The following TSPAN1 variants were observed in gnomAD, a reference collection of about 807,000 sequenced individuals.
The protein encoded by TSPAN1 is tetraspanin 1, also known as tetraspanin-1.
TSPAN1 carries 23 observed loss-of-function variants against 26.9 expected under a neutral mutation model. That is an observed-to-expected ratio of 0.85 (90% CI 0.62 to 1.21). The LOEUF (loss-of-function observed/expected upper bound fraction) is 1.21. Among genes scored for constraint, TSPAN1 ranks in the 50% most tolerant of loss-of-function variants. The probability of loss-of-function intolerance (pLI) is 0.00; values close to 1 mark genes in which losing one functional copy is unlikely to be tolerated. For synonymous variants in TSPAN1, 115 were observed against 114.8 expected (o/e 1.00, Z -0.01); for missense variants, 283 against 298.4 (o/e 0.95, Z 0.38).
In TSPAN1 at chr1:46,184,617, C is replaced by T; in HGVS notation, c.288C>T (p.Ile96=). The stretch of plus-strand genomic sequence containing the variant: ...AGTTCTTCTTCATCCTCCTCCTCAT[C>T]TTCATTGCTGAGGTTGCAGCTGCTG... The part of the protein sequence containing the change: ...LVTFFFILLL[I]FIAEVAAAVV... The change falls in exon 5 of 9, where the codon ATC becomes ATT. Residue 96 remains isoleucine (I), a synonymous_variant. Coordinates refer to ENST00000372003, the MANE Select transcript of TSPAN1 (RefSeq NM_005727.4). The T allele has an allele frequency of 6.2e-7, 1 of 1,614,228 alleles. No homozygotes were observed. The highest frequency in any genetic ancestry group is 8.5e-7 in the Non-Finnish European group (1 of 1,180,052).
rs1391953472 is a variant in TSPAN1 at position 46,180,006 on chromosome 1, TGAAA to T, written c.-141-517_-141-514del. Among the ~76,000 whole-genome samples, 21 of 150,930 alleles carry T rather than the reference TGAAA, an allele frequency of 1.4e-4. No individual in the cohort carries two copies. The East Asian group carries it at 3.9e-3, about 28-fold the overall frequency. On this transcript the variant is annotated intron_variant, in intron 1 of 8. Coordinates refer to ENST00000372003, the MANE Select transcript of TSPAN1 (RefSeq NM_005727.4). ...GTGTGTGTTTGTGTGTGTGTGTGAG[TGAAA>T]GAGATACTTAAGTACGTACATCAGA...
downstream of TSPAN1, among the ~76,000 whole-genome samples, chr1:46,186,896 T>C (rs1444937626): frequency 1.3e-5 from 2 of 151,926 alleles, no homozygotes; most frequent in Non-Finnish European, 2.9e-5. Context: ...TCTCCTGACC[T>C]CGTGATCCAC....
chr1:46,176,168 C>T (rs1571631739), intron 1 of TSPAN1: 1 of 1,528,184 alleles, frequency 6.5e-7, no homozygotes, highest in East Asian at 2.5e-5. Context: ...AGCCACCGCA[C>T]CCAGCCTAGT....
At chr1:46,186,976 T>C (rs1657447324), downstream of TSPAN1, among the ~76,000 whole-genome samples, 1 of 152,046 alleles carries the variant, frequency 6.6e-6, no homozygotes, top group African/African-American at 2.4e-5. Context: ...CCGGCTAACT[T>C]TTTATATTTT....
At chr1:46,179,829 GA>G (rs1405419754) in intron 1 of TSPAN1, among the ~76,000 whole-genome samples, 1 of 152,058 alleles carries the variant, frequency 6.6e-6, no homozygotes, top group African/African-American at 2.4e-5. Flanking sequence ...GAAGGGAGGG[GA>G]AAAATGGGGA....
chr1:46,178,137 AC>A (rs1657226308), intron 1 of TSPAN1, among the ~76,000 whole-genome samples: 1 of 152,068 alleles, frequency 6.6e-6, no homozygotes. Context: ...TGGGTGGATG[AC>A]TTGAGGTCAG....
At chr1:46,187,592 CAG>C (rs1657462568), downstream of TSPAN1, among the ~76,000 whole-genome samples, 1 of 152,164 alleles carries the variant, frequency 6.6e-6, no homozygotes, top group South Asian at 2.1e-4. Context: ...GGGTGCGGGA[CAG>C]GGGGAGGAGC....
chr1:46,188,978 G>A, downstream of TSPAN1: 2 of 1,607,068 alleles, frequency 1.2e-6, no homozygotes, highest in Non-Finnish European at 1.7e-6. Flanking sequence ...TTCTGAGCCA[G>A]GCCTGGAAAG....
At chr1:46,190,823 T>C, downstream of TSPAN1, 1 of 1,557,380 alleles carries the variant, frequency 6.4e-7, no homozygotes, top group South Asian at 1.1e-5. Flanking sequence ...CACCTCACAT[T>C]GTCTGGCCCA....
At chr1:46,191,414 G>C in the TSPAN1 span, 17 of 181,654 alleles carry the variant, frequency 9.4e-5, no homozygotes, top group Middle Eastern at 2.5e-3. Flanking sequence ...CTGAAGCATA[G>C]GCTCCAGCAC....
At chr1:46,189,339 T>C, downstream of TSPAN1, 1 of 1,613,820 alleles carries the variant, frequency 6.2e-7, no homozygotes, top group Non-Finnish European at 8.5e-7. Flanking sequence ...TTGGGGTGAC[T>C]GAGGGTGGCT....
chr1:46,185,624 T>C lies in TSPAN1; in HGVS notation c.*91T>C, dbSNP rs1802371. 2 of 1,436,622 alleles carry C rather than the reference T, an allele frequency of 1.4e-6. No individual in the cohort carries two copies. Among genetic ancestry groups the C allele is most frequent in the Non-Finnish European group, 9.7e-7 (1 of 1,030,858 alleles). 89.0% of individuals were successfully genotyped at this position (1,436,622 alleles called of 1,614,324 possible). ...GCAGTGATTGGGGGAGGGGACAGGA[T>C]CTAACAATGTCACTTGGGCCAGAAT... On this transcript the variant is annotated 3_prime_UTR_variant, in exon 9 of 9. Coordinates refer to ENST00000372003, the MANE Select transcript of TSPAN1 (RefSeq NM_005727.4).
In TSPAN1 at chr1:46,184,331, G is replaced by C. The variant is rs139002111; in HGVS notation, c.198G>C (p.Val66=). 324 of 1,614,042 alleles carry C rather than the reference G, an allele frequency of 2.0e-4. No individual in the cohort carries two copies. Among genetic ancestry groups the C allele is most frequent in the Non-Finnish European group, 1.8e-4 (207 of 1,180,038 alleles). The change falls in exon 4 of 9, where the codon GTG becomes GTC. Residue 66 remains valine (V), a synonymous_variant. Coordinates refer to ENST00000372003, the MANE Select transcript of TSPAN1 (RefSeq NM_005727.4). The part of the protein sequence containing the change: ...VGYFLIAAGV[V]VFALGFLGCY... The stretch of plus-strand genomic sequence containing the variant: ...ACTTCCTCATCGCAGCCGGCGTTGT[G>C]GTCTTTGCTCTTGGTTTCCTGGGCT...
At chr1:46,177,893 T>TTA (rs1238671478) in intron 1 of TSPAN1, among the ~76,000 whole-genome samples, 2 of 152,094 alleles carry the variant, frequency 1.3e-5, no homozygotes, top group Non-Finnish European at 2.9e-5. Context: ...AGTCACACAA[T>TTA]TAGAGGCAGG....
Position 46,184,630 on chromosome 1 carries a change from G to T in TSPAN1, c.301G>T (p.Val101Phe). ...CCTCCTCCTCATCTTCATTGCTGAG[G>T]TTGCAGCTGCTGTGGTCGCCTTGGT... ...FILLLIFIAE[V>F]AAAVVALVYT... The change falls in exon 5 of 9, where the codon GTT becomes TTT. Residue 101 changes from valine to phenylalanine, a missense_variant. Transcript: ENST00000372003. 6.2e-7 allele frequency: 1 copy of T among 1,614,190 alleles called. No homozygotes were observed. The highest frequency in any genetic ancestry group is 8.5e-7 in the Non-Finnish European group (1 of 1,180,044).
chr1:46,186,679 T>C (rs1383944125), downstream of TSPAN1, among the ~76,000 whole-genome samples: 1 of 142,402 alleles, frequency 7.0e-6, no homozygotes, highest in Non-Finnish European at 1.5e-5. Context: ...TTTTTTTTTT[T>C]TTTTGAGAGA....
At chr1:46,188,690 G>A, downstream of TSPAN1, 1 of 1,595,014 alleles carries the variant, frequency 6.3e-7, no homozygotes, top group Non-Finnish European at 8.6e-7. Flanking sequence ...ATCCCCAGAG[G>A]GCTTCTCCTT....
At chr1:46,180,770 G>C (rs1008897029) in intron 2 of TSPAN1, 112 bp downstream of exon 2, 3 of 349,344 alleles carry the variant, frequency 8.6e-6, no homozygotes, top group East Asian at 6.0e-5. Context: ...GGTTAGTGTG[G>C]GGGGGAGCAC....
downstream of TSPAN1, chr1:46,190,097 CTTTTTTT>C (rs946195454): frequency 1.9e-5 from 15 of 807,400 alleles, no homozygotes; most frequent in Admixed American, 9.8e-5. Context: ...CCTTGAAGTT[CTTTTTTT>C]TTTTTTTTTT....
Sources: allele counts gnomAD v4.1 joint callset (sites outside exome capture counted in the v4.1 genomes callset), GRCh38; gene constraint gnomAD v4.1.1; transcripts MANE v1.5; gene names NCBI Gene and HGNC (gene_info 2026-07-23, HGNC 2026-07-21).